The following NTNG2 variants were observed in gnomAD, a reference collection of about 807,000 sequenced individuals.
The protein encoded by NTNG2 is netrin-G2.
Under a neutral mutation model 47.6 loss-of-function variants are expected in NTNG2, and 15 were observed. That is an observed-to-expected ratio of 0.32 (90% CI 0.21 to 0.49). NTNG2 has a LOEUF of 0.49. NTNG2 is among the 20% of genes least tolerant of loss of function. The probability of loss-of-function intolerance (pLI) is 0.99; values close to 1 mark genes in which losing one functional copy is unlikely to be tolerated. For synonymous variants in NTNG2, 307 were observed against 324.6 expected (o/e 0.95, Z 0.58); for missense variants, 578 against 764.6 (o/e 0.76, Z 2.88).
intron 3 of NTNG2, among the ~76,000 whole-genome samples, chr9:132,209,577 C>T (rs1289685873): frequency 6.6e-6 from 1 of 152,110 alleles, no homozygotes; most frequent in Non-Finnish European, 1.5e-5. Context: ...CATGCTGCGG[C>T]GGGTCCAAGT....
chr9:132,169,933 G>A (rs1027990538), intron 2 of NTNG2, among the ~76,000 whole-genome samples: 5 of 152,204 alleles, frequency 3.3e-5, no homozygotes, highest in Admixed American at 1.3e-4. Context: ...GCAGGCTGGG[G>A]GAGCTTCCTC....
At chr9:132,195,387 C>T (rs1030270893) in intron 2 of NTNG2, among the ~76,000 whole-genome samples, 4 of 152,046 alleles carry the variant, frequency 2.6e-5, no homozygotes, top group African/African-American at 9.7e-5. Flanking sequence ...CGGCTTACTG[C>T]AAGCTCCTCC....
At position 132,239,074 on chromosome 9, in the gene NTNG2, A is replaced by T. The variant is rs756424666; in HGVS notation, c.1055-30A>T. The stretch of plus-strand genomic sequence containing the variant: ...CAGTTTCCCTGAATGCTCGCTGACC[A>T]TTGGTATTTCTCCCACTTGGCCGGC... On this transcript the variant is annotated intron_variant, in intron 5 of 7. Transcript: ENST00000393229. The T allele has an allele frequency of 1.9e-6, 3 of 1,605,232 alleles. No individual in the cohort carries two copies. In the African/African-American group the frequency reaches 4.0e-5, roughly 21 times the overall value.
chr9:132,201,541 G>A (rs1228472941), intron 3 of NTNG2, among the ~76,000 whole-genome samples: 1 of 152,214 alleles, frequency 6.6e-6, no homozygotes, highest in East Asian at 1.9e-4. Context: ...AAAGGGGGAT[G>A]TGGGACCCGA....
chr9:132,167,573 C>T (rs981598356), intron 2 of NTNG2, among the ~76,000 whole-genome samples: 4 of 152,190 alleles, frequency 2.6e-5, no homozygotes, highest in Non-Finnish European at 4.4e-5. Flanking sequence ...AGGGGATTCA[C>T]GCAGGATGAA....
At chr9:132,192,219 C>T (rs975047610) in intron 2 of NTNG2, among the ~76,000 whole-genome samples, 1 of 152,192 alleles carries the variant, frequency 6.6e-6, no homozygotes, top group African/African-American at 2.4e-5. Context: ...CTGTCAGATG[C>T]TGACTGGGGA....
rs561650695 is a variant in NTNG2, at chr9:132,234,551, G to A, written c.1054+3956G>A. Among the ~76,000 whole-genome samples, 23 of 152,348 alleles carry A rather than the reference G, an allele frequency of 1.5e-4. No homozygotes were observed. In the East Asian group the frequency reaches 3.5e-3, roughly 23 times the overall value. On this transcript the variant is annotated intron_variant, in intron 5 of 7. Transcript: ENST00000393229. Reference sequence around the variant, plus strand: ...CCGAGTGCCTCCCAACAGGTGCTTCGGGCTCTTTGAACAGAGTCCAGCTGG... The same window carrying A: ...CCGAGTGCCTCCCAACAGGTGCTTCAGGCTCTTTGAACAGAGTCCAGCTGG...
chr9:132,203,793 C>G (rs981572558), intron 3 of NTNG2, among the ~76,000 whole-genome samples: 3 of 152,174 alleles, frequency 2.0e-5, no homozygotes, highest in Non-Finnish European at 4.4e-5. Context: ...GCTCTGCCCA[C>G]TCCAGACCTG....
intron 2 of NTNG2, among the ~76,000 whole-genome samples, chr9:132,184,122 G>C (rs1261815123): frequency 6.6e-6 from 1 of 152,212 alleles, no homozygotes; most frequent in Non-Finnish European, 1.5e-5. Context: ...ATCCACAGAG[G>C]GGTGTACCTG....
At chr9:132,220,979 AC>A (rs917705106) in intron 3 of NTNG2, among the ~76,000 whole-genome samples, 78 of 152,326 alleles carry the variant, frequency 5.1e-4, no homozygotes, top group African/African-American at 1.7e-3. Context: ...ATTAAAAAAA[AC>A]ATACTGTGTA....
chr9:132,239,024 G>A, intron 5 of NTNG2, 80 bp from the exon 6 acceptor site: 1 of 1,436,990 alleles, frequency 7.0e-7, no homozygotes, highest in Non-Finnish European at 9.8e-7. Context: ...ATGACCTGGG[G>A]TGAGTCCTTC....
At chr9:132,179,541 C>T (rs376237767) in intron 2 of NTNG2, among the ~76,000 whole-genome samples, 4 of 152,248 alleles carry the variant, frequency 2.6e-5, no homozygotes, top group Middle Eastern at 3.4e-3. Context: ...GCAGCAATGC[C>T]GGCGATCATG....
At chr9:132,232,850 C>T (rs943771051) in intron 5 of NTNG2, 3 of 152,436 alleles carry the variant, frequency 2.0e-5, no homozygotes, top group Admixed American at 1.3e-4. Flanking sequence ...TCCCCTCCAT[C>T]AGCTCCTGCC....
rs767748378 is a variant in NTNG2 at position 132,225,855 on chromosome 9, TG to T, written c.858-991del. Among the ~76,000 whole-genome samples, 48 of 152,298 alleles carry T rather than the reference TG, an allele frequency of 3.2e-4. 1 individual carries two copies. The highest frequency in any genetic ancestry group is 1.4e-3 in the Admixed American group (21 of 15,292). On this transcript the variant is annotated intron_variant, in intron 3 of 7. Transcript: ENST00000393229. ...CACGCAACTCATCTGTTGGAAGAAG[TG>T]GGTCATTACTGCCGGAGTTTCCTCG...
At chr9:132,195,788 C>T (rs1188263636) in intron 2 of NTNG2, among the ~76,000 whole-genome samples, 1 of 151,654 alleles carries the variant, frequency 6.6e-6, no homozygotes, top group African/African-American at 2.4e-5. Context: ...ACCACTATGC[C>T]CAGCTAATTT....
rs192753362 is a variant in NTNG2, at chr9:132,215,876, G to A, written c.858-10973G>A. ...CCGTCCCTCCCTCTATCACCTGTTG[G>A]CTGTTGACAATAGCAACAATAATAA... On this transcript the variant is annotated intron_variant, in intron 3 of 7. Coordinates refer to ENST00000393229, the MANE Select transcript of NTNG2 (RefSeq NM_032536.4). The surrounding 1 kb of genome is among the most constrained non-coding windows in gnomAD (Gnocchi z 4.2). 5.6e-3 allele frequency among the ~76,000 whole-genome samples: 857 copies of A among 152,238 alleles called. 10 individuals are homozygous for A. Among genetic ancestry groups the A allele is most frequent in the African/African-American group, 0.02 (811 of 41,512 alleles).
intron 3 of NTNG2, among the ~76,000 whole-genome samples, chr9:132,225,155 T>G (rs2361548): frequency 0.74 from 113,154 of 152,198 alleles, 42,300 homozygotes; most frequent in Middle Eastern, 0.87. Flanking sequence ...GACCTCAAGT[T>G]ATCTGCCTGC....
intron 2 of NTNG2, among the ~76,000 whole-genome samples, chr9:132,171,967 C>T (rs1232366887): frequency 1.3e-5 from 2 of 152,124 alleles, no homozygotes; most frequent in Non-Finnish European, 2.9e-5. Context: ...AGTGAGATGA[C>T]TAGAGATAAA....
rs1021105732 is a variant in NTNG2 at position 132,221,929 on chromosome 9, G to C, written c.858-4920G>C. Among the ~76,000 whole-genome samples, 1 of 152,182 alleles carries C rather than the reference G, an allele frequency of 6.6e-6. No individual in the cohort carries two copies. Among genetic ancestry groups the C allele is most frequent in the Admixed American group, 6.5e-5 (1 of 15,276 alleles). ...AAAGTTGATGGCAATCTTTTCTTTC[G>C]GTAGCTGATATCTAAAAATATCCCT... On this transcript the variant is annotated intron_variant, in intron 3 of 7. Coordinates refer to ENST00000393229, the MANE Select transcript of NTNG2 (RefSeq NM_032536.4). This position sits in a 1 kb window ranked among gnomAD's most constrained non-coding sequence, Gnocchi z 4.2.
Sources: gnomAD v4.1 joint callset for allele counts (sites outside exome capture counted in the v4.1 genomes callset) on GRCh38, gnomAD v4.1.1 for gene constraint, Gnocchi (gnomAD v3.1) non-coding constraint, MANE v1.5 for transcripts, NCBI Gene and HGNC (gene_info 2026-07-23, HGNC 2026-07-21) for gene names.